C1orf54: variants seen among roughly 807,000 people sequenced by gnomAD.
C1orf54 encodes the protein uncharacterized protein C1orf54.
Under a neutral mutation model 14.7 loss-of-function variants are expected in C1orf54, and 12 were observed. The ratio of observed to expected loss-of-function variants is 0.82; its 90% confidence interval spans 0.52 to 1.32. The LOEUF (loss-of-function observed/expected upper bound fraction) is 1.32. C1orf54 is among the 40% of genes most tolerant of loss of function. The pLI, the probability that C1orf54 is intolerant of heterozygous loss-of-function variation, is 0.00. For missense variants in C1orf54, 163 were observed against 162.2 expected, an observed-to-expected ratio of 1.00 and a Z score of -0.03; for synonymous variants, 65 against 56.3, an observed-to-expected ratio of 1.16 and a Z score of -0.70.
At chr1:150,279,833 T>A in intron 5 of C1orf54, 92 bp downstream of exon 5, 1 of 1,077,420 alleles carries the variant, frequency 9.3e-7, no homozygotes, top group Non-Finnish European at 1.4e-6. Flanking sequence ...CCAGTATCTC[T>A]AGTTAGTGTT....
intron 4 of C1orf54, 138 bp from the exon 5 acceptor site, chr1:150,279,505 G>A (rs1652928164): frequency 1.2e-6 from 1 of 809,756 alleles, no homozygotes; most frequent in Non-Finnish European, 2.0e-6. Flanking sequence ...GATGGGGAAG[G>A]ATGGATCTTT....
chr1:150,276,298 A>G (rs1354053113), intron 3 of C1orf54, among the ~76,000 whole-genome samples: 1 of 152,162 alleles, frequency 6.6e-6, no homozygotes, highest in Non-Finnish European at 1.5e-5. Context: ...GAACTTTATA[A>G]ATTGTCCTCA....
At chr1:150,273,577 T>G (rs1652383245) in intron 1 of C1orf54, among the ~76,000 whole-genome samples, 1 of 152,218 alleles carries the variant, frequency 6.6e-6, no homozygotes, top group African/African-American at 2.4e-5. Context: ...TGACTCATTT[T>G]AAGAAAGCGG....
At chr1:150,273,022 T>C (rs187962026) in intron 1 of C1orf54, among the ~76,000 whole-genome samples, 159 bp downstream of exon 1, 28 of 152,004 alleles carry the variant, frequency 1.8e-4, no homozygotes, top group African/African-American at 6.5e-4. Context: ...AATGGAGATC[T>C]GGAAGGCAGA....
At chr1:150,280,051 C>G (rs1553853153) in intron 5 of C1orf54, among the ~76,000 whole-genome samples, 1 of 152,030 alleles carries the variant, frequency 6.6e-6, no homozygotes. Context: ...CTCTACAAGA[C>G]GTTAAAAAAA....
intron 1 of C1orf54, 76 bp downstream of exon 1, chr1:150,272,939 G>T (rs1458322040): frequency 2.7e-6 from 4 of 1,492,820 alleles, no homozygotes; most frequent in Non-Finnish European, 3.7e-6. Context: ...AAAATGAGGA[G>T]TGGGTGAGAG....
chr1:150,279,518 C>G (rs781080190), intron 4 of C1orf54, 125 bp from the exon 5 acceptor site: 87 of 914,764 alleles, frequency 9.5e-5, no homozygotes, highest in Non-Finnish European at 1.4e-4. Flanking sequence ...GGATCTTTCT[C>G]TAAGCCCAAA....
At chr1:150,268,836 G>C, upstream of C1orf54, 1 of 1,596,248 alleles carries the variant, frequency 6.3e-7, no homozygotes. Flanking sequence ...AAGGGGGGTG[G>C]GGGCCTGACC....
At chr1:150,268,973 C>G, upstream of C1orf54, 1 of 600,612 alleles carries the variant, frequency 1.7e-6, no homozygotes, top group Non-Finnish European at 2.9e-6. Context: ...GAACCGAAAC[C>G]CCAAATGAAG....
intron 5 of C1orf54, among the ~76,000 whole-genome samples, chr1:150,280,311 G>A (rs1479428895): frequency 6.6e-5 from 10 of 152,246 alleles, no homozygotes; most frequent in African/African-American, 2.4e-4. Context: ...AGATGCTGAG[G>A]CAGACTTTTG....
intron 2 of C1orf54, among the ~76,000 whole-genome samples, chr1:150,275,338 A>ATT (rs1314503434): frequency 5.7e-5 from 8 of 140,612 alleles, no homozygotes; most frequent in Non-Finnish European, 6.1e-5. Context: ...GCCCGGCCAA[A>ATT]TTTTTTTTTT....
At chr1:150,271,915 G>A (rs1553851333), upstream of C1orf54, among the ~76,000 whole-genome samples, 1 of 152,184 alleles carries the variant, frequency 6.6e-6, no homozygotes, top group East Asian at 1.9e-4. Context: ...AAGACAGGTG[G>A]ATCATCTGAG....
intron 4 of C1orf54, among the ~76,000 whole-genome samples, chr1:150,278,511 T>G (rs1444197002): frequency 1.8e-4 from 27 of 152,032 alleles, no homozygotes; most frequent in Admixed American, 1.6e-3. Context: ...TGAAAGTAAA[T>G]GAGCTCAACA....
At position 150,274,097 on chromosome 1, in the gene C1orf54, T is replaced by C; in HGVS notation, c.57T>C (p.Tyr19=). The C allele has an allele frequency of 6.2e-7, 1 of 1,610,552 alleles. No individual in the cohort carries two copies. The highest frequency in any genetic ancestry group is 8.5e-7 in the Non-Finnish European group (1 of 1,176,876). The change falls in exon 2 of 6, where the codon TAT becomes TAC. Residue 19 remains tyrosine, a synonymous_variant. Coordinates refer to ENST00000369099, the MANE Select transcript of C1orf54 (RefSeq NM_024579.4). ...FAVPLILGQE[Y]EDEERLGEDE... ...TCCTTGTCCCCATAGGACAAGAATATGAGGATGAAGAAAGACTGGGAGAGG... is the reference window on the plus strand; with the variant it reads ...TCCTTGTCCCCATAGGACAAGAATACGAGGATGAAGAAAGACTGGGAGAGG...
chr1:150,272,731 T>G, upstream of C1orf54: 1 of 1,365,332 alleles, frequency 7.3e-7, no homozygotes, highest in Non-Finnish European at 1.0e-6. Context: ...CTTCCCTGCT[T>G]TGGAGGAGGA....
chr1:150,269,969 A>G (rs117595411), upstream of C1orf54, among the ~76,000 whole-genome samples: 1,470 of 152,286 alleles, frequency 9.7e-3, 67 homozygotes, highest in Admixed American at 0.067. Flanking sequence ...CCCAAGAGGC[A>G]GAGGTGGCAG....
upstream of C1orf54, chr1:150,268,915 G>A: frequency 6.1e-6 from 6 of 984,072 alleles, no homozygotes; most frequent in Non-Finnish European, 9.2e-6. Context: ...ACCCCACGAG[G>A]GGCGCGGTGC....
chr1:150,271,354 G>A (rs1356384731), upstream of C1orf54, among the ~76,000 whole-genome samples: 1 of 152,128 alleles, frequency 6.6e-6, no homozygotes, highest in Non-Finnish European at 1.5e-5. Context: ...TGATCTGTCC[G>A]CCTAAGCCTC....
chr1:150,280,218 T>C (rs1303303164), intron 5 of C1orf54, among the ~76,000 whole-genome samples: 4 of 152,206 alleles, frequency 2.6e-5, no homozygotes, highest in Non-Finnish European at 5.9e-5. Context: ...ACAGTGAGAC[T>C]GTCTCAAAAA....
Sources: allele counts gnomAD v4.1 joint callset (sites outside exome capture counted in the v4.1 genomes callset), GRCh38; gene constraint gnomAD v4.1.1; transcripts MANE v1.5; gene names NCBI Gene and HGNC (gene_info 2026-07-23, HGNC 2026-07-21).